Variants in CPEB3 observed in about 807,000 individuals in gnomAD.
The protein encoded by CPEB3 is cytoplasmic polyadenylation element binding protein 3, also known as cytoplasmic polyadenylation element-binding protein 3.
In CPEB3, 20 loss-of-function variants were observed where a neutral mutation model predicts 67.2. The ratio of observed to expected loss-of-function variants is 0.30; its 90% CI spans 0.21 to 0.43. CPEB3 has a LOEUF of 0.43. Ranked by LOEUF, CPEB3 falls within the 20% of genes least tolerant of loss-of-function variation. The pLI is 1.00. For missense variants in CPEB3, 746 were observed against 968.6 expected (o/e 0.77, Z 3.05); for synonymous variants, 376 against 393.1 (o/e 0.96, Z 0.51).
chr10:92,244,599 G>A (rs1010317597), intron 1 of CPEB3, among the ~76,000 whole-genome samples: 9 of 151,388 alleles, frequency 5.9e-5, no homozygotes, highest in African/African-American at 1.5e-4. Flanking sequence ...CACCACGCCC[G>A]GCTCATTTTT....
chr10:92,107,436 G>A (rs1283149609), intron 7 of CPEB3, among the ~76,000 whole-genome samples: 1 of 152,182 alleles, frequency 6.6e-6, no homozygotes, highest in Non-Finnish European at 1.5e-5. Context: ...TGGCCAACAT[G>A]TTCTAGAACC....
rs745607629 is a variant in CPEB3, at chr10:92,240,036, C to G, written c.315G>C (p.Pro105=). ...CCGTGGACCAGGTGCTGCCGAAGGA[C>G]GGCGACAGCGACGCGCCCGGTGCCG... ...EPAAPGASLS[P]SFGSTWSTGT... The change falls in exon 2 of 10, where the codon CCG becomes CCC. Residue 105 remains proline, a synonymous_variant. Coordinates refer to ENST00000265997, the MANE Select transcript of CPEB3 (RefSeq NM_014912.5). 1 of 1,601,794 alleles carries G rather than the reference C, an allele frequency of 6.2e-7. No individual in the cohort carries two copies. Among genetic ancestry groups the G allele is most frequent in the Non-Finnish European group, 8.5e-7 (1 of 1,174,392 alleles).
chr10:92,198,807 T>C (rs908227327), intron 2 of CPEB3, among the ~76,000 whole-genome samples: 5 of 152,176 alleles, frequency 3.3e-5, no homozygotes, highest in African/African-American at 1.2e-4. Flanking sequence ...GACATAAAAC[T>C]AGGTCTGTGA....
At chr10:92,085,890 G>A (rs188530059) in intron 8 of CPEB3, among the ~76,000 whole-genome samples, 12 of 152,296 alleles carry the variant, frequency 7.9e-5, no homozygotes, top group Admixed American at 5.2e-4. Context: ...GATTACAGGC[G>A]TGAGCCACCG....
At chr10:92,279,468 C>CT (rs1378770637) in intron 1 of CPEB3, among the ~76,000 whole-genome samples, 1 of 152,158 alleles carries the variant, frequency 6.6e-6, no homozygotes, top group Non-Finnish European at 1.5e-5. Flanking sequence ...TGATAATCCA[C>CT]TTTCATTTTT....
chr10:92,189,193 A>T (rs1848840612), intron 3 of CPEB3, among the ~76,000 whole-genome samples: 1 of 152,240 alleles, frequency 6.6e-6, no homozygotes, highest in Admixed American at 6.5e-5. Flanking sequence ...TCAGATTTAC[A>T]ATTGGAAAAC....
intron 1 of CPEB3, among the ~76,000 whole-genome samples, chr10:92,258,227 G>C (rs529826652): frequency 5.1e-4 from 77 of 151,368 alleles, no homozygotes; most frequent in Non-Finnish European, 1.0e-3. Context: ...AGCCTCCTGA[G>C]TAGCTGGGAT....
intron 7 of CPEB3, 144 bp from the exon 8 acceptor site, chr10:92,092,088 C>T (rs561130149): frequency 1.5e-6 from 1 of 649,656 alleles, no homozygotes; most frequent in African/African-American, 1.8e-5. Context: ...TTAACGTAAT[C>T]TGCATTAAGT....
At chr10:92,132,449 A>G (rs375631537) in intron 6 of CPEB3, among the ~76,000 whole-genome samples, 93 of 152,278 alleles carry the variant, frequency 6.1e-4, no homozygotes, top group Admixed American at 1.1e-3. Flanking sequence ...CATGTGTAGT[A>G]TTTTCTTATT....
chr10:92,201,333 G>A (rs1214414778), intron 2 of CPEB3, among the ~76,000 whole-genome samples: 2 of 152,118 alleles, frequency 1.3e-5, no homozygotes, highest in African/African-American at 4.8e-5. Flanking sequence ...TTCGAGACCA[G>A]CCTGGCCAAC....
chr10:92,079,324 T>C (rs1050820850), intron 9 of CPEB3, among the ~76,000 whole-genome samples: 14 of 152,086 alleles, frequency 9.2e-5, no homozygotes, highest in African/African-American at 3.4e-4. Flanking sequence ...ATACTGGAGA[T>C]CAGGCAGAGA....
chr10:92,137,669 C>T (rs75824766), intron 6 of CPEB3: 28,901 of 522,478 alleles, frequency 0.055, 1,076 homozygotes, highest in Non-Finnish European at 0.074. Flanking sequence ...CTGATTGTCA[C>T]CCTAGGCAGT....
At position 92,046,868 on chromosome 10, in the gene CPEB3, A is replaced by G. The variant is rs922686442; in HGVS notation, c.*5344T>C. On this transcript the variant is annotated 3_prime_UTR_variant, in exon 10 of 10. Transcript: ENST00000265997. ...CAAAGGCAGAAGCTGAGTAAGGGTT[A>G]CTAGCAAAAAACAATCTAAGAGAAC... 1.3e-5 allele frequency: 2 copies of G among 152,274 alleles called. No homozygotes were observed. The highest frequency in any genetic ancestry group is 6.5e-5 in the Admixed American group (1 of 15,288). 9.4% of individuals were successfully genotyped at this position (152,274 alleles called of 1,614,324 possible). A position where few individuals can be genotyped will look rare whatever the true frequency, so the allele number is the denominator to read the frequency against.
intron 2 of CPEB3, among the ~76,000 whole-genome samples, chr10:92,224,761 G>A (rs1013446399): frequency 6.6e-6 from 1 of 151,550 alleles, no homozygotes; most frequent in African/African-American, 2.4e-5. Flanking sequence ...CAGGAGGATC[G>A]CTTGAGTCCA....
intron 2 of CPEB3, among the ~76,000 whole-genome samples, chr10:92,198,796 G>C (rs1249886276): frequency 1.3e-5 from 2 of 152,152 alleles, no homozygotes; most frequent in Non-Finnish European, 2.9e-5. Flanking sequence ...TCAGAAATAA[G>C]GACATAAAAC....
intron 2 of CPEB3, among the ~76,000 whole-genome samples, chr10:92,205,712 G>C (rs897334029): frequency 6.6e-6 from 1 of 151,894 alleles, no homozygotes; most frequent in African/African-American, 2.4e-5. Flanking sequence ...CCTGACTCAA[G>C]TGATCTTCCC....
intron 2 of CPEB3, among the ~76,000 whole-genome samples, chr10:92,212,166 C>A (rs1475740115): frequency 1.3e-5 from 2 of 151,802 alleles, no homozygotes; most frequent in Non-Finnish European, 2.9e-5. Context: ...TAGGCAGGAG[C>A]CACCGTGCCC....
intron 6 of CPEB3, chr10:92,137,474 A>G: frequency 8.1e-7 from 1 of 1,227,918 alleles, no homozygotes; most frequent in South Asian, 1.4e-5. Flanking sequence ...AGCAACACCC[A>G]GGTGGTTTTG....
intron 2 of CPEB3, among the ~76,000 whole-genome samples, chr10:92,202,483 AAATAT>A (rs1362961249): frequency 6.7e-6 from 1 of 150,008 alleles, no homozygotes; most frequent in Non-Finnish European, 1.5e-5. Context: ...TACTATAAAT[AAATAT>A]ATCTAGTATG....
Sources: allele counts gnomAD v4.1 joint callset (sites outside exome capture counted in the v4.1 genomes callset), GRCh38; gene constraint gnomAD v4.1.1; transcripts MANE v1.5; gene names NCBI Gene and HGNC (gene_info 2026-07-23, HGNC 2026-07-21).